The following ODF1 variants were observed in gnomAD, a reference collection of about 807,000 sequenced individuals.
ODF1 encodes outer dense fiber protein 1.
In ODF1, 10 loss-of-function variants were observed where a neutral mutation model predicts 24.0. The observed-to-expected ratio is 0.42, with a 90% CI of 0.26 to 0.71. ODF1 has a LOEUF of 0.71. Among genes scored for constraint, ODF1 ranks in the 30% least tolerant of loss-of-function variants. ODF1 has a pLI of 0.28. For missense variants in ODF1, 282 were observed against 307.9 expected, an observed-to-expected ratio of 0.92 and a Z score of 0.63; for synonymous variants, 118 against 121.3, an observed-to-expected ratio of 0.97 and a Z score of 0.18.
At chr8:102,553,605 T>G (rs1244776323) in intron 1 of ODF1, among the ~76,000 whole-genome samples, 1 of 152,210 alleles carries the variant, frequency 6.6e-6, no homozygotes, top group East Asian at 1.9e-4. Flanking sequence ...TGTGAGCAGA[T>G]CAGTATCCAC....
chr8:102,553,396 A>T (rs1826072363), intron 1 of ODF1, among the ~76,000 whole-genome samples: 2 of 150,112 alleles, frequency 1.3e-5, no homozygotes, highest in South Asian at 4.2e-4. Flanking sequence ...AAAAAAAAGG[A>T]TAATTATTGT....
At chr8:102,552,540 C>A (rs115827546) in intron 1 of ODF1, among the ~76,000 whole-genome samples, 1,912 of 152,136 alleles carry the variant, frequency 0.013, 31 homozygotes, top group African/African-American at 0.042. Context: ...GTGGGAATAT[C>A]ATTCTCCTAT....
intron 1 of ODF1, among the ~76,000 whole-genome samples, chr8:102,557,331 G>A (rs898211144): frequency 6.6e-6 from 1 of 152,166 alleles, no homozygotes; most frequent in African/African-American, 2.4e-5. Flanking sequence ...AGTCTGATGA[G>A]TAAAATGTGG....
At chr8:102,559,497 T>C (rs1826152225) in intron 1 of ODF1, among the ~76,000 whole-genome samples, 1 of 151,676 alleles carries the variant, frequency 6.6e-6, no homozygotes, top group African/African-American at 2.4e-5. Flanking sequence ...GATTTCAAGC[T>C]ATCAGCGTGC....
At chr8:102,558,204 C>A (rs1183353201) in intron 1 of ODF1, among the ~76,000 whole-genome samples, 1 of 152,204 alleles carries the variant, frequency 6.6e-6, no homozygotes, top group Non-Finnish European at 1.5e-5. Flanking sequence ...GTAATCCCAG[C>A]ACTTTGGGAG....
At chr8:102,555,783 TTCCACTCCCA>T (rs1345056928) in intron 1 of ODF1, among the ~76,000 whole-genome samples, 2 of 152,226 alleles carry the variant, frequency 1.3e-5, no homozygotes, top group Non-Finnish European at 2.9e-5. Context: ...AGGCTGGCTC[TTCCACTCCCA>T]CTGAGGGGAG....
intron 1 of ODF1, among the ~76,000 whole-genome samples, chr8:102,553,922 G>C (rs1392077403): frequency 6.6e-6 from 1 of 152,214 alleles, no homozygotes; most frequent in Non-Finnish European, 1.5e-5. Flanking sequence ...TGAAGCTGGT[G>C]ATGTCTTTAC....
chr8:102,552,057 C>A lies in ODF1; in HGVS notation c.320+10C>A. The A allele has an allele frequency of 6.4e-7, 1 of 1,560,886 alleles. No individual in the cohort carries two copies. The highest frequency in any genetic ancestry group is 8.7e-7 in the Non-Finnish European group (1 of 1,151,948). On this transcript the variant is annotated intron_variant, in intron 1 of 1. Transcript: ENST00000285402. ...AGCGAGAGCTTGCCAAGTAAAATAACTTATTTTTAAATTTTTATAGTCGGT... is the reference window on the plus strand; with the variant it reads ...AGCGAGAGCTTGCCAAGTAAAATAAATTATTTTTAAATTTTTATAGTCGGT...
At chr8:102,552,318 A>G (rs1826051200) in intron 1 of ODF1, among the ~76,000 whole-genome samples, 1 of 152,124 alleles carries the variant, frequency 6.6e-6, no homozygotes, top group South Asian at 2.1e-4. Context: ...TGCGGCTTTA[A>G]TGAAGGGAAG....
chr8:102,552,698 T>C (rs987199864), intron 1 of ODF1, among the ~76,000 whole-genome samples: 2 of 152,280 alleles, frequency 1.3e-5, no homozygotes, highest in South Asian at 2.1e-4. Flanking sequence ...TTTAATTGAA[T>C]TGGGTAATTA....
At chr8:102,558,949 A>G (rs1826146296) in intron 1 of ODF1, among the ~76,000 whole-genome samples, 1 of 151,572 alleles carries the variant, frequency 6.6e-6, no homozygotes. Flanking sequence ...TTCAACATAC[A>G]AAAGTGATAT....
In ODF1 at chr8:102,551,616, C is replaced by A; in HGVS notation, c.-112C>A. ...AACACAAGCTTTAAAGTAAGTGAAT[C>A]ATGTGTGCCTCATTTATTTTTAAAA... On this transcript the variant is annotated 5_prime_UTR_variant, in exon 1 of 2. Coordinates refer to ENST00000285402, the MANE Select transcript of ODF1 (RefSeq NM_024410.4). The A allele has an allele frequency of 1.3e-6, 1 of 761,060 alleles. No individual in the cohort carries two copies. Among genetic ancestry groups the A allele is most frequent in the Non-Finnish European group, 2.1e-6 (1 of 474,342 alleles). The allele number at this position is 761,060 out of a possible 1,614,324, so 47.1% of individuals were successfully genotyped here. A position where few individuals can be genotyped will look rare whatever the true frequency, so the allele number is the denominator to read the frequency against.
At chr8:102,560,414 T>G in intron 1 of ODF1, 38 bp from the exon 2 acceptor site, 2 of 1,584,612 alleles carry the variant, frequency 1.3e-6, no homozygotes, top group Non-Finnish European at 1.7e-6. Context: ...TTCTGAGGTC[T>G]GAGCTCCCTC....
At chr8:102,556,433 GTTTTGTTTTGTTTTGT>G (rs1347821969) in intron 1 of ODF1, among the ~76,000 whole-genome samples, 1 of 13,142 alleles carries the variant, frequency 7.6e-5, no homozygotes, top group African/African-American at 9.6e-4. Flanking sequence ...TGTTGTTGTT[GTTTTGTTTTGTTTTGT>G]TTTGTTTTGT....
rs894574542 is a variant in ODF1, at chr8:102,551,625, C to T, written c.-103C>T. Reference sequence around the variant, plus strand: ...TTTAAAGTAAGTGAATCATGTGTGCCTCATTTATTTTTAAAAGCAACTTCT... The same window carrying T: ...TTTAAAGTAAGTGAATCATGTGTGCTTCATTTATTTTTAAAAGCAACTTCT... On this transcript the variant is annotated 5_prime_UTR_variant, in exon 1 of 2. Transcript: ENST00000285402. 1.2e-6 allele frequency: 1 copy of T among 845,418 alleles called. No individual in the cohort carries two copies. The highest frequency in any genetic ancestry group is 1.8e-6 in the Non-Finnish European group (1 of 545,444). 52.4% of individuals were successfully genotyped at this position (845,418 alleles called of 1,614,324 possible).
chr8:102,558,177 C>A (rs921058588), intron 1 of ODF1, among the ~76,000 whole-genome samples: 1 of 152,138 alleles, frequency 6.6e-6, no homozygotes, highest in Non-Finnish European at 1.5e-5. Context: ...TGAGGCCGGG[C>A]GCGGTGGCTC....
chr8:102,558,912 C>T (rs1826145654), intron 1 of ODF1, among the ~76,000 whole-genome samples: 1 of 151,152 alleles, frequency 6.6e-6, no homozygotes, highest in African/African-American at 2.5e-5. Flanking sequence ...ACTTATGTAA[C>T]AAAAAGAAGT....
At chr8:102,555,703 T>C (rs2131030098) in intron 1 of ODF1, among the ~76,000 whole-genome samples, 1 of 152,310 alleles carries the variant, frequency 6.6e-6, no homozygotes, top group East Asian at 1.9e-4. Context: ...GAAAACATTC[T>C]AGTCTCTCTC....
rs369781922 is a variant in ODF1, at chr8:102,558,611, A to G, written c.321-1841A>G. 2.6e-5 allele frequency among the ~76,000 whole-genome samples: 4 copies of G among 152,344 alleles called. No homozygotes were observed. The East Asian group carries it at 7.7e-4, about 29-fold the overall frequency. On this transcript the variant is annotated intron_variant, in intron 1 of 1. Coordinates refer to ENST00000285402, the MANE Select transcript of ODF1 (RefSeq NM_024410.4). ...AGAGTCTTGATCTGTAACTTTCAGT[A>G]CAAGGGTAGTGAGCACTCAAACTGT...
Sources: allele counts gnomAD v4.1 joint callset (sites outside exome capture counted in the v4.1 genomes callset), GRCh38; gene constraint gnomAD v4.1.1; transcripts MANE v1.5; gene names NCBI Gene and HGNC (gene_info 2026-07-23, HGNC 2026-07-21).